The following ADGRL3 variants were observed in gnomAD, a reference collection of about 807,000 sequenced individuals.
The protein encoded by ADGRL3 is calcium-independent alpha-latrotoxin receptor 3.
In ADGRL3, 62 loss-of-function variants were observed where a neutral mutation model predicts 153.5. The observed-to-expected ratio is 0.40, with a 90% CI of 0.33 to 0.50. ADGRL3 has a LOEUF of 0.50. ADGRL3 is among the 20% of genes least tolerant of loss of function. The pLI is 0.47. For missense variants in ADGRL3, 1,641 were observed against 1,859.4 expected (o/e 0.88, Z 2.16); for synonymous variants, 710 against 672.5 (o/e 1.06, Z -0.86).
At chr4:61,783,806 A>G (rs1281340158) in intron 8 of ADGRL3, among the ~76,000 whole-genome samples, 1 of 152,112 alleles carries the variant, frequency 6.6e-6, no homozygotes. Context: ...TATACATCTT[A>G]TTAAAGTTAT....
chr4:61,873,222 G>T (rs2098455829), intron 9 of ADGRL3, among the ~76,000 whole-genome samples: 1 of 152,132 alleles, frequency 6.6e-6, no homozygotes, highest in African/African-American at 2.4e-5. Context: ...GACACTGGAG[G>T]CATTGAACAT....
chr4:62,011,957 T>C lies in ADGRL3; in HGVS notation c.3395+13692T>C, dbSNP rs879721729. ...TACATTTTTTTTTCCTAACATAGCT[T>C]TCTTTAAAATGACACAACTTATTTT... On this transcript the variant is annotated intron_variant, in intron 21 of 26. Coordinates refer to ENST00000683033, the MANE Select transcript of ADGRL3 (RefSeq NM_001387552.1). 1.6e-3 allele frequency among the ~76,000 whole-genome samples: 247 copies of C among 152,180 alleles called. 3 individuals carry two copies. The highest frequency in any genetic ancestry group is 4.0e-4 in the Non-Finnish European group (27 of 67,986).
In ADGRL3 at chr4:61,947,015, C is replaced by A; in HGVS notation, c.2521C>A (p.His841Asn). ...KLGTEALSTNHSVIVNSPVIT... is the reference protein window; with the variant it reads ...KLGTEALSTNNSVIVNSPVIT... ...GGGAACGGAAGCTTTGTCCACAAAT[C>A]ATTCTGTTATTGTCAATTCCCCTGT... Residue 841 changes from histidine (H) to asparagine (N), a missense_variant, in exon 16 of 27, where the codon CAT (histidine) becomes AAT (asparagine). His to Asn is a moderately conservative substitution (Grantham distance 68). Coordinates refer to ENST00000683033, the MANE Select transcript of ADGRL3 (RefSeq NM_001387552.1). The A allele has an allele frequency of 1.2e-6, 2 of 1,613,686 alleles. No individual in the cohort carries two copies.
intron 3 of ADGRL3, among the ~76,000 whole-genome samples, chr4:61,497,792 G>A (rs2098338101): frequency 6.6e-6 from 1 of 151,500 alleles, no homozygotes; most frequent in African/African-American, 2.4e-5. Flanking sequence ...CCAAAGTGCT[G>A]GGATTACAGG....
chr4:61,245,501 T>C (rs1756701412), intron 1 of ADGRL3, among the ~76,000 whole-genome samples: 1 of 152,076 alleles, frequency 6.6e-6, no homozygotes, highest in African/African-American at 2.4e-5. Context: ...GTTTCTTTCT[T>C]TCGTGTACAA....
At position 61,599,530 on chromosome 4, in the gene ADGRL3, G is replaced by A. The variant is rs981695318; in HGVS notation, c.473+12090G>A. Among the ~76,000 whole-genome samples the A allele has an allele frequency of 3.3e-5, 5 of 152,192 alleles. No individual in the cohort carries two copies. In the South Asian group the frequency reaches 6.2e-4, roughly 19 times the overall value. ...GTATTTTTAGTAGAGATGCGGTTTC[G>A]CCCTGTTGGCCAAGCTGGTCTTGAA... On this transcript the variant is annotated intron_variant, in intron 5 of 26. Coordinates refer to ENST00000683033, the MANE Select transcript of ADGRL3 (RefSeq NM_001387552.1).
chr4:61,733,993 A>T (rs2096476563), intron 8 of ADGRL3, among the ~76,000 whole-genome samples: 1 of 152,208 alleles, frequency 6.6e-6, no homozygotes, highest in Non-Finnish European at 1.5e-5. Flanking sequence ...TAGTCATCTC[A>T]CAGAGTGCAT....
chr4:61,703,090 C>G (rs2095797249), intron 6 of ADGRL3, among the ~76,000 whole-genome samples: 1 of 152,020 alleles, frequency 6.6e-6, no homozygotes, highest in Admixed American at 6.6e-5. Context: ...CCATAACCTC[C>G]TTTGTATTTT....
chr4:61,719,327 T>C (rs2096189738), intron 6 of ADGRL3, among the ~76,000 whole-genome samples: 2 of 152,078 alleles, frequency 1.3e-5, no homozygotes, highest in Non-Finnish European at 2.9e-5. Context: ...TAGAAACCAT[T>C]CACTATCCAA....
chr4:61,638,748 T>A lies in ADGRL3; in HGVS notation c.474-38078T>A, dbSNP rs150674267. Among the ~76,000 whole-genome samples, 864 of 152,288 alleles carry A rather than the reference T, an allele frequency of 5.7e-3. 31 individuals carry two copies. The highest frequency in any genetic ancestry group is 0.053 in the Admixed American group (815 of 15,288). ...AGGAAAGGCTCAGTATAATTATCCC[T>A]CCCCTGTAGAGGCATAATGTTGCTC... is the stretch of plus-strand genomic sequence containing the variant. On this transcript the variant is annotated intron_variant, in intron 5 of 26. Coordinates refer to ENST00000683033, the MANE Select transcript of ADGRL3 (RefSeq NM_001387552.1).
chr4:61,988,305 A>T (rs999313677), intron 19 of ADGRL3, among the ~76,000 whole-genome samples: 4 of 152,160 alleles, frequency 2.6e-5, no homozygotes, highest in Admixed American at 2.0e-4. Context: ...TTAGTTATTT[A>T]AAAAATCCAT....
chr4:61,680,547 G>T (rs945708126), intron 6 of ADGRL3, among the ~76,000 whole-genome samples: 10 of 151,528 alleles, frequency 6.6e-5, no homozygotes, highest in African/African-American at 2.2e-4. Flanking sequence ...GCATATTAAA[G>T]GTAATATAGA....
chr4:61,381,384 G>A (rs1404259001), intron 1 of ADGRL3, among the ~76,000 whole-genome samples: 3 of 151,308 alleles, frequency 2.0e-5, no homozygotes, highest in South Asian at 2.1e-4. Context: ...ATTTCATGGC[G>A]CGGTTAGGTG....
intron 2 of ADGRL3, among the ~76,000 whole-genome samples, chr4:61,465,758 A>AATATATAT (rs10701021): frequency 0.04 from 5,178 of 130,048 alleles, 158 homozygotes; most frequent in South Asian, 0.063. Context: ...ATTATATATA[A>AATATATAT]ATATATATAT....
At chr4:61,248,041 TG>T (rs1757772111) in intron 1 of ADGRL3, among the ~76,000 whole-genome samples, 1 of 152,144 alleles carries the variant, frequency 6.6e-6, no homozygotes, top group African/African-American at 2.4e-5. Flanking sequence ...TAGATATCCC[TG>T]TACAAGAAGA....
chr4:61,337,475 GC>G (rs1221716896), intron 1 of ADGRL3, among the ~76,000 whole-genome samples: 1 of 152,152 alleles, frequency 6.6e-6, no homozygotes, highest in Non-Finnish European at 1.5e-5. Context: ...GAAATGCTGT[GC>G]CTCAGCTTTC....
At chr4:61,804,177 A>G (rs964393850) in intron 8 of ADGRL3, among the ~76,000 whole-genome samples, 5 of 152,124 alleles carry the variant, frequency 3.3e-5, no homozygotes, top group African/African-American at 4.8e-5. Flanking sequence ...TAATTTCTCT[A>G]TGTGCCAATC....
At chr4:61,349,715 A>C (rs2096001409) in intron 1 of ADGRL3, among the ~76,000 whole-genome samples, 1 of 152,138 alleles carries the variant, frequency 6.6e-6, no homozygotes, top group Non-Finnish European at 1.5e-5. Context: ...CCTTTACATA[A>C]AGTAAGCACT....
chr4:61,893,113 TTCTTTCTC>T (rs777646331), intron 10 of ADGRL3, among the ~76,000 whole-genome samples, 155 bp downstream of exon 10: 55 of 51,976 alleles, frequency 1.1e-3, no homozygotes, highest in Middle Eastern at 0.022. Context: ...CCTTCCTTCT[TTCTTTCTC>T]TCTTTCTCTC....
Sources: allele counts gnomAD v4.1 joint callset (sites outside exome capture counted in the v4.1 genomes callset), GRCh38; gene constraint gnomAD v4.1.1; transcripts MANE v1.5; gene names NCBI Gene and HGNC (gene_info 2026-07-23, HGNC 2026-07-21).